Variants in PRDM2 observed in about 807,000 individuals in gnomAD.
The protein encoded by PRDM2 is PR/SET domain 2, also known as PR domain zinc finger protein 2.
In PRDM2, 30 loss-of-function variants were observed where a neutral mutation model predicts 130.0. The observed-to-expected ratio is 0.23, with a 90% confidence interval of 0.17 to 0.31. The LOEUF is 0.31. PRDM2 is among the 10% of genes least tolerant of loss of function. The pLI, the probability that PRDM2 is intolerant of heterozygous loss-of-function variation, is 1.00. For synonymous variants in PRDM2, 871 were observed against 782.4 expected (o/e 1.11, Z -1.89); for missense variants, 2,011 against 2,108.4 (o/e 0.95, Z 0.90).
intron 4 of PRDM2, among the ~76,000 whole-genome samples, chr1:13,740,229 GTAGA>G (rs1300450736): frequency 1.3e-5 from 2 of 152,208 alleles, no homozygotes; most frequent in Admixed American, 6.5e-5. Flanking sequence ...CCTGAGGCAG[GTAGA>G]TAGACTCCAG....
chr1:13,717,988 A>C (rs1041216330), intron 2 of PRDM2, among the ~76,000 whole-genome samples: 7 of 152,220 alleles, frequency 4.6e-5, no homozygotes, highest in African/African-American at 1.7e-4. Flanking sequence ...TATGGCATAA[A>C]ATCTATCAGT....
intron 8 of PRDM2, 82 bp downstream of exon 8, chr1:13,782,913 C>CTTT: frequency 4.8e-6 from 7 of 1,448,690 alleles, no homozygotes; most frequent in South Asian, 2.6e-5. Flanking sequence ...TTTCTTGTTG[C>CTTT]TTTTTTTTTT....
At position 13,782,808 on chromosome 1, in the gene PRDM2, C is replaced by T; in HGVS notation, c.5013C>T (p.Ala1671=). 6.2e-7 allele frequency: 1 copy of T among 1,607,876 alleles called. No individual in the cohort carries two copies. Among genetic ancestry groups the T allele is most frequent in the Non-Finnish European group, 8.5e-7 (1 of 1,178,736 alleles). The change falls in exon 8 of 10, where the codon GCC becomes GCT. Residue 1671 remains alanine (A), a synonymous_variant. Transcript: ENST00000311066. The part of the protein sequence containing the change: ...LSENKREDGS[A]KQELKDFSYS... Reference sequence around the variant, plus strand: ...AGAACAAGAGAGAGGACGGCAGCGCCAAGCAGGAGCTGAAGGACTTCAGGT... The same window carrying T: ...AGAACAAGAGAGAGGACGGCAGCGCTAAGCAGGAGCTGAAGGACTTCAGGT...
chr1:13,793,315 C>T (rs191383033), intron 8 of PRDM2, among the ~76,000 whole-genome samples: 153 of 152,302 alleles, frequency 1.0e-3, no homozygotes, highest in African/African-American at 3.6e-3. Flanking sequence ...GCTGTGGTGG[C>T]GCTGGTGATG....
intron 7 of PRDM2, among the ~76,000 whole-genome samples, chr1:13,777,366 C>G (rs1048152765): frequency 6.6e-6 from 1 of 151,902 alleles, no homozygotes; most frequent in Non-Finnish European, 1.5e-5. Context: ...CAGAGTGATT[C>G]TCTTGAATAC....
At chr1:13,773,301 T>A in intron 7 of PRDM2, 113 bp downstream of exon 7, 1 of 616,220 alleles carries the variant, frequency 1.6e-6, no homozygotes, top group Non-Finnish European at 2.5e-6. Flanking sequence ...TTTACGAGGT[T>A]AAACAGCAAA....
In PRDM2 at chr1:13,816,578, G is replaced by T; in HGVS notation, c.*23+8G>T. 1 of 1,613,920 alleles carries T rather than the reference G, an allele frequency of 6.2e-7. No homozygotes were observed. The highest frequency in any genetic ancestry group is 8.5e-7 in the Non-Finnish European group (1 of 1,179,890). ...CTGGCTGCTCCCTGACAGGTACGAG[G>T]CAGGATGGAACAGCTTCTGGCACTG... On this transcript the variant is annotated splice_region_variant and intron_variant, in intron 9 of 9. Transcript: ENST00000311066.
chr1:13,736,348 A>C (rs1480757175), intron 4 of PRDM2, among the ~76,000 whole-genome samples: 1 of 152,014 alleles, frequency 6.6e-6, no homozygotes, highest in Non-Finnish European at 1.5e-5. Context: ...TCAGGGGCTC[A>C]TGGGCTCAAG....
chr1:13,770,151 C>G (rs1393851392), intron 6 of PRDM2, among the ~76,000 whole-genome samples: 1 of 152,138 alleles, frequency 6.6e-6, no homozygotes, highest in Non-Finnish European at 1.5e-5. Context: ...ATGGCTTCTC[C>G]TCACAGTGGA....
chr1:13,722,863 G>GGATATATGGTGT, intron 2 of PRDM2: 1 of 515,896 alleles, frequency 1.9e-6, no homozygotes, highest in East Asian at 5.5e-5. Flanking sequence ...ATACTTTGTA[G>GGATATATGGTGT]ACTGCTTATT....
chr1:13,796,644 C>T (rs139823421), intron 8 of PRDM2, among the ~76,000 whole-genome samples: 2,542 of 152,184 alleles, frequency 0.017, 77 homozygotes, highest in African/African-American at 0.057. Context: ...CCCAGCTACT[C>T]AGGAGGCTGA....
intron 7 of PRDM2, among the ~76,000 whole-genome samples, chr1:13,774,928 A>G (rs1032339813): frequency 6.6e-6 from 1 of 151,130 alleles, no homozygotes; most frequent in Admixed American, 6.6e-5. Flanking sequence ...AGATCGTGCC[A>G]CTGCACTCCA....
intron 5 of PRDM2, among the ~76,000 whole-genome samples, chr1:13,746,455 C>T (rs1388925387): frequency 2.6e-5 from 4 of 151,562 alleles, no homozygotes; most frequent in Non-Finnish European, 4.4e-5. Flanking sequence ...TATAAAGTTG[C>T]GAAGCATATA....
In PRDM2 at chr1:13,771,966, A is replaced by C. The variant is rs538359941; in HGVS notation, c.512-1112A>C. On this transcript the variant is annotated intron_variant, in intron 6 of 9. Coordinates refer to ENST00000311066, the MANE Select transcript of PRDM2 (RefSeq NM_001393986.1). The surrounding 1 kb of genome is among the most constrained non-coding windows in gnomAD (Gnocchi z 4.1). The stretch of plus-strand genomic sequence containing the variant: ...TTTTGTCTGTTTACATTTTTAGCTA[A>C]TTATGCTTCCCGGTAGTGATTCTCT... The C allele has an allele frequency of 6.6e-6, 1 of 152,258 alleles. No homozygotes were observed. The highest frequency in any genetic ancestry group is 1.5e-5 in the Non-Finnish European group (1 of 68,004). The allele number at this position is 152,258 out of a possible 1,614,324, so 9.4% of individuals were successfully genotyped here.
In PRDM2 at chr1:13,781,515, CCATGTAGAG is replaced by C. The variant is rs746968911; in HGVS notation, c.3724_3732del (p.Val1242_His1244del). 2 of 1,612,752 alleles carry C rather than the reference CCATGTAGAG, an allele frequency of 1.2e-6. No individual in the cohort carries two copies. The highest frequency in any genetic ancestry group is 4.5e-5 in the East Asian group (2 of 44,882). ...AGAACTTTACAGATCCCAGCAAGGC[CCATGTAGAG>C]CATATGCAGAGCTTGCCAGAAGATC... On this transcript the variant is annotated inframe_deletion, in exon 8 of 10. Coordinates refer to ENST00000311066, the MANE Select transcript of PRDM2 (RefSeq NM_001393986.1). This position sits in a 1 kb window ranked among gnomAD's most constrained non-coding sequence, Gnocchi z 6.1.
chr1:13,706,105 A>G (rs534931076), intron 1 of PRDM2, among the ~76,000 whole-genome samples: 38 of 151,944 alleles, frequency 2.5e-4, no homozygotes, highest in Non-Finnish European at 4.6e-4. Flanking sequence ...TCACATTCCA[A>G]TTTTGGGACT....
intron 6 of PRDM2, among the ~76,000 whole-genome samples, chr1:13,757,595 C>T (rs978847518): frequency 6.6e-6 from 1 of 152,134 alleles, no homozygotes; most frequent in African/African-American, 2.4e-5. Flanking sequence ...GTTATATAGA[C>T]AATGAACATG....
chr1:13,781,468 G>A lies in PRDM2; in HGVS notation c.3673G>A (p.Glu1225Lys). Residue 1225 changes from glutamate (E) to lysine (K), a missense_variant, in exon 8 of 10, where the codon GAA becomes AAA. This residue lies in a region of PRDM2 where 229 missense variants were observed against 364.1 expected (regional missense o/e 0.63). Coordinates refer to ENST00000311066, the MANE Select transcript of PRDM2 (RefSeq NM_001393986.1). This position sits in a 1 kb window ranked among gnomAD's most constrained non-coding sequence, Gnocchi z 6.1. Reference sequence around the variant, plus strand: ...TAAGGTGTGCACACATCACGAGTTTGAAAGCGGGACTCTGAGGCCCCAGAA... The same window carrying A: ...TAAGGTGTGCACACATCACGAGTTTAAAAGCGGGACTCTGAGGCCCCAGAA... Reference protein sequence around the residue: ...PDKVCTHHEFESGTLRPQNFT... With the variant: ...PDKVCTHHEFKSGTLRPQNFT... The A allele has an allele frequency of 1.2e-6, 2 of 1,613,704 alleles. No homozygotes were observed. Among genetic ancestry groups the A allele is most frequent in the Middle Eastern group, 3.3e-4 (2 of 6,062 alleles).
rs1475894580 is a variant in PRDM2 at position 13,779,980 on chromosome 1, A to G, written c.2185A>G (p.Thr729Ala). 1 of 1,614,200 alleles carries G rather than the reference A, an allele frequency of 6.2e-7. No homozygotes were observed. The highest frequency in any genetic ancestry group is 1.1e-5 in the South Asian group (1 of 91,080). The change falls in exon 8 of 10, where the codon ACC (threonine) becomes GCC (alanine). Residue 729 changes from threonine to alanine, a missense_variant. Physicochemically the swap from Thr to Ala is moderately conservative, Grantham distance 58. This residue lies in a region of PRDM2 where 1,288 missense variants were observed against 1,237.7 expected (regional missense o/e 1.04). Coordinates refer to ENST00000311066, the MANE Select transcript of PRDM2 (RefSeq NM_001393986.1). The surrounding 1 kb of genome is among the most constrained non-coding windows in gnomAD (Gnocchi z 4.9). ...VSAPASMLPV[T>A]SSRFKRRTSS... ...TGCTCCTGCATCAATGTTGCCTGTGACCTCAAGTAGGTTTAAGAGGCGGAC... is the reference window on the plus strand; with the variant it reads ...TGCTCCTGCATCAATGTTGCCTGTGGCCTCAAGTAGGTTTAAGAGGCGGAC...
Sources: gnomAD v4.1 joint callset for allele counts (sites outside exome capture counted in the v4.1 genomes callset) on GRCh38, gnomAD v4.1.1 for gene constraint, gnomAD v4.1.1 regional missense constraint, Gnocchi (gnomAD v3.1) non-coding constraint, MANE v1.5 for transcripts, NCBI Gene and HGNC (gene_info 2026-07-23, HGNC 2026-07-21) for gene names.